GSN: variants seen among roughly 807,000 people sequenced by gnomAD.
GSN encodes the protein actin-depolymerizing factor.
Under a neutral mutation model 85.7 loss-of-function variants are expected in GSN, and 56 were observed. The ratio of observed to expected loss-of-function variants is 0.65; its 90% CI spans 0.53 to 0.82. The LOEUF is 0.82. Ranked by LOEUF, GSN falls within the 40% of genes least tolerant of loss-of-function variation. GSN has a pLI of 0.00. For missense variants in GSN, 857 were observed against 979.8 expected, an observed-to-expected ratio of 0.87 and a Z score of 1.67; for synonymous variants, 373 against 399.1, an observed-to-expected ratio of 0.93 and a Z score of 0.78.
At chr9:121,247,164 G>A (rs1318421498) in intron 5 of GSN, among the ~76,000 whole-genome samples, 1 of 152,184 alleles carries the variant, frequency 6.6e-6, no homozygotes, top group East Asian at 1.9e-4. Context: ...GTTCCCGGCT[G>A]CCCCAGGGTG....
At chr9:121,211,018 C>T (rs2053959131) in intron 4 of GSN, among the ~76,000 whole-genome samples, 1 of 152,180 alleles carries the variant, frequency 6.6e-6, no homozygotes, top group Non-Finnish European at 1.5e-5. Flanking sequence ...GAAGGAAATT[C>T]TGACACATGC....
At chr9:121,244,354 G>A (rs1350182888) in intron 5 of GSN, among the ~76,000 whole-genome samples, 4 of 152,160 alleles carry the variant, frequency 2.6e-5, no homozygotes, top group African/African-American at 7.2e-5. Flanking sequence ...TAAATATGTA[G>A]GAAAAGGATT....
intron 4 of GSN, among the ~76,000 whole-genome samples, chr9:121,215,478 G>A (rs533366206): frequency 3.5e-4 from 53 of 152,214 alleles, no homozygotes; most frequent in Middle Eastern, 3.4e-3. Context: ...TGGATCACCT[G>A]AGGTCAGGAG....
intron 4 of GSN, among the ~76,000 whole-genome samples, chr9:121,220,925 T>C (rs961648910): frequency 6.6e-6 from 1 of 152,242 alleles, no homozygotes; most frequent in Non-Finnish European, 1.5e-5. Context: ...TAAAAGTGAA[T>C]AGATGTACAG....
chr9:121,286,316 G>T, intron 2 of GSN: 2 of 650,342 alleles, frequency 3.1e-6, no homozygotes, highest in East Asian at 5.5e-5. Context: ...GATGAAACCA[G>T]TTCCAATTCT....
intron 10 of GSN, among the ~76,000 whole-genome samples, chr9:121,319,551 G>C (rs3747848): frequency 0.032 from 4,785 of 150,918 alleles, 317 homozygotes; most frequent in Admixed American, 0.15. Context: ...TCAAACTCCT[G>C]GGCTCAAGCA....
rs920949853 is a variant in GSN, at chr9:121,237,327, C to T, written c.-389+6024C>T. On this transcript the variant is annotated intron_variant, in intron 5 of 24. Coordinates refer to the GSN transcript ENST00000373823. ...CTGTAATCACAACACTTTGGGAGGC[C>T]GAGGAGGGAGGATCACTTGAGCCCA... 2.6e-5 allele frequency among the ~76,000 whole-genome samples: 4 copies of T among 151,968 alleles called. No homozygotes were observed. In the East Asian group the frequency reaches 5.8e-4, roughly 22 times the overall value.
In GSN at chr9:121,332,362, A is replaced by C. The variant is rs2064032984; in HGVS notation, c.2027-72A>C. ...CTCTTCTTTGTCAACTCCTGTCCTG[A>C]GTCACCCTCTCCCTGGTGTGGGAGG... On this transcript the variant is annotated intron_variant, in intron 17 of 17. Transcript: ENST00000432226. The surrounding 1 kb of genome is among the most constrained non-coding windows in gnomAD (Gnocchi z 4.8). 4 of 1,331,404 alleles carry C rather than the reference A, an allele frequency of 3.0e-6. No homozygotes were observed. Among genetic ancestry groups the C allele is most frequent in the Non-Finnish European group, 4.3e-6 (4 of 921,920 alleles). 82.5% of individuals were successfully genotyped at this position (1,331,404 alleles called of 1,614,324 possible).
chr9:121,247,147 A>C (rs755625430), intron 5 of GSN, among the ~76,000 whole-genome samples: 1 of 152,220 alleles, frequency 6.6e-6, no homozygotes, highest in Non-Finnish European at 1.5e-5. Flanking sequence ...GGGGCAAGGA[A>C]GACTCGGTTC....
chr9:121,233,823 A>G (rs2054439424), intron 5 of GSN, among the ~76,000 whole-genome samples: 1 of 152,242 alleles, frequency 6.6e-6, no homozygotes, highest in Non-Finnish European at 1.5e-5. Context: ...TTTGGAGAGC[A>G]GATGTTAGGT....
At chr9:121,272,667 C>G (rs1358012382) in intron 1 of GSN, among the ~76,000 whole-genome samples, 1 of 152,204 alleles carries the variant, frequency 6.6e-6, no homozygotes, top group African/African-American at 2.4e-5. Context: ...CTACAAGCAA[C>G]AATAATAAGG....
chr9:121,227,931 C>A lies in GSN; in HGVS notation c.-527-3234C>A, dbSNP rs140401995. ...TCATCCCAGCTTCAGCCTGGACATC[C>A]CGGGGCCAGGAATGCACTACTTCTG... On this transcript the variant is annotated intron_variant, in intron 4 of 24. Transcript: ENST00000373823. Among the ~76,000 whole-genome samples, 77 of 152,210 alleles carry A rather than the reference C, an allele frequency of 5.1e-4. No individual in the cohort carries two copies. The Middle Eastern group carries it at 0.01, about 20-fold the overall frequency.
chr9:121,327,332 A>G lies in GSN; in HGVS notation c.1612A>G (p.Asn538Asp). 2 of 1,614,072 alleles carry G rather than the reference A, an allele frequency of 1.2e-6. No individual in the cohort carries two copies. Among genetic ancestry groups the G allele is most frequent in the Non-Finnish European group, 1.7e-6 (2 of 1,179,990 alleles). The change falls in exon 14 of 18, where the codon AAC becomes GAC. Residue 538 changes from asparagine (N) to aspartate (D), a missense_variant. Coordinates refer to ENST00000432226, the MANE Select transcript of GSN (RefSeq NM_198252.3). ...GGTATTGCCTAAGGCTGGTGCACTG[A>G]ACTCCAACGATGCCTTTGTTCTGAA... ...VEVLPKAGALNSNDAFVLKTP... is the reference protein window; with the variant it reads ...VEVLPKAGALDSNDAFVLKTP...
At chr9:121,312,255 C>T in intron 5 of GSN, 84 bp from the exon 6 acceptor site, 1 of 1,478,854 alleles carries the variant, frequency 6.8e-7, no homozygotes, top group Non-Finnish European at 9.4e-7. Flanking sequence ...GCCTGCACAC[C>T]ACACGCCACA....
chr9:121,223,363 C>G (rs1235572939), intron 4 of GSN, among the ~76,000 whole-genome samples: 5 of 152,140 alleles, frequency 3.3e-5, no homozygotes, highest in African/African-American at 1.2e-4. Context: ...TGTAACATTA[C>G]TATTACTTTT....
chr9:121,242,069 A>G (rs1246089444), intron 5 of GSN, among the ~76,000 whole-genome samples: 1 of 152,144 alleles, frequency 6.6e-6, no homozygotes, highest in Non-Finnish European at 1.5e-5. Flanking sequence ...CATGATAATA[A>G]TCTCTATTAT....
At chr9:121,233,293 G>A (rs548631882) in intron 5 of GSN, among the ~76,000 whole-genome samples, 5 of 152,066 alleles carry the variant, frequency 3.3e-5, no homozygotes, top group African/African-American at 7.2e-5. Context: ...GTGAAACCCC[G>A]TCTCTACTAA....
chr9:121,269,589 G>A (rs771662338), intron 1 of GSN, among the ~76,000 whole-genome samples: 26 of 152,122 alleles, frequency 1.7e-4, no homozygotes, highest in Admixed American at 3.3e-4. Flanking sequence ...AGGAAGGATG[G>A]GGGTGGGAAC....
In GSN at chr9:121,287,383, G is replaced by A. The variant is rs79509920; in HGVS notation, c.-10+5821G>A. ...GCCTAGCCTCAGTTTCCCCAAATGT[G>A]AAAGGAAGATGTGGGCCCAGTCCTG... On this transcript the variant is annotated intron_variant, in intron 2 of 17. Coordinates refer to ENST00000432226, the MANE Select transcript of GSN (RefSeq NM_198252.3). Among the ~76,000 whole-genome samples, 147 of 152,288 alleles carry A rather than the reference G, an allele frequency of 9.7e-4. 2 individuals are homozygous for A. The East Asian group carries it at 0.028, about 29-fold the overall frequency.
Sources: allele counts gnomAD v4.1 joint callset (sites outside exome capture counted in the v4.1 genomes callset), GRCh38; gene constraint gnomAD v4.1.1; non-coding constraint Gnocchi (gnomAD v3.1); transcripts MANE v1.5; gene names NCBI Gene and HGNC (gene_info 2026-07-23, HGNC 2026-07-21).